RBFOX1: variants seen among roughly 807,000 people sequenced by gnomAD.
RBFOX1 encodes RNA binding protein fox-1 homolog 1.
Under a neutral mutation model 57.7 loss-of-function variants are expected in RBFOX1, and 8 were observed. The observed-to-expected ratio is 0.14, with a 90% confidence interval of 0.08 to 0.25. RBFOX1 has a LOEUF of 0.25. Ranked by LOEUF, RBFOX1 falls within the 10% of genes least tolerant of loss-of-function variation. RBFOX1 has a pLI of 1.00. For missense variants in RBFOX1, 611 were observed against 548.5 expected (o/e 1.11, Z -1.14); for synonymous variants, 326 against 222.4 (o/e 1.47, Z -4.15).
intron 1 of RBFOX1, among the ~76,000 whole-genome samples, chr16:5,408,667 C>T (rs971240340): frequency 3.9e-5 from 6 of 152,332 alleles, no homozygotes; most frequent in African/African-American, 1.4e-4. Context: ...GTTTCATTGG[C>T]TCATGGTTCT....
At chr16:7,671,338 C>T (rs565652182) in intron 13 of RBFOX1, among the ~76,000 whole-genome samples, 1 of 152,274 alleles carries the variant, frequency 6.6e-6, no homozygotes, top group Admixed American at 6.5e-5. Context: ...GTTTGATCCC[C>T]ATCTCCACCT....
chr16:7,120,863 G>A (rs1183651156), intron 4 of RBFOX1, among the ~76,000 whole-genome samples: 18 of 46,286 alleles, frequency 3.9e-4, no homozygotes, highest in East Asian at 2.2e-3. Context: ...ACACACATAC[G>A]TAAACATATA....
At chr16:5,283,542 C>G (rs573095199) in intron 1 of RBFOX1, among the ~76,000 whole-genome samples, 2 of 152,226 alleles carry the variant, frequency 1.3e-5, no homozygotes, top group East Asian at 3.9e-4. Flanking sequence ...TTTATTCTCC[C>G]AAGGCCATGG....
chr16:6,439,291 A>G lies in RBFOX1; in HGVS notation c.-64+122234A>G, dbSNP rs1431493769. On this transcript the variant is annotated intron_variant, in intron 2 of 15. Transcript: ENST00000550418. ...TGGAAACTGCAGTCAGGAAGGTATA[A>G]TCAAACACCATCCACCCATGTTAAT... is the stretch of plus-strand genomic sequence containing the variant. 3.9e-5 allele frequency among the ~76,000 whole-genome samples: 6 copies of G among 152,174 alleles called. No homozygotes were observed. In the East Asian group the frequency reaches 1.2e-3, roughly 29 times the overall value.
chr16:6,481,292 T>C (rs1285859479), intron 2 of RBFOX1, among the ~76,000 whole-genome samples: 1 of 152,212 alleles, frequency 6.6e-6, no homozygotes, highest in Non-Finnish European at 1.5e-5. Context: ...TCCCTTTGGG[T>C]GGCTGCAGAC....
intron 3 of RBFOX1, among the ~76,000 whole-genome samples, chr16:6,680,990 A>G (rs1603385141): frequency 6.6e-6 from 1 of 152,276 alleles, no homozygotes; most frequent in East Asian, 1.9e-4. Flanking sequence ...AAAACTTCAA[A>G]TTTCTGTACT....
chr16:6,599,855 T>A (rs1307942868), intron 2 of RBFOX1, among the ~76,000 whole-genome samples: 1 of 152,210 alleles, frequency 6.6e-6, no homozygotes, highest in African/African-American at 2.4e-5. Flanking sequence ...TTACATGAGC[T>A]AACACTTGTT....
chr16:5,887,583 A>G (rs2057930633), intron 4 of RBFOX1, among the ~76,000 whole-genome samples: 1 of 151,736 alleles, frequency 6.6e-6, no homozygotes, highest in East Asian at 1.9e-4. Flanking sequence ...TTTTTCTTTT[A>G]AGTAGAGATG....
intron 4 of RBFOX1, among the ~76,000 whole-genome samples, chr16:7,365,184 C>G (rs951293131): frequency 4.6e-5 from 7 of 152,090 alleles, no homozygotes; most frequent in African/African-American, 1.4e-4. Flanking sequence ...TTTTTCTTTC[C>G]TCTTTTTAAC....
At chr16:7,182,165 A>G (rs762790348) in intron 4 of RBFOX1, among the ~76,000 whole-genome samples, 32 of 152,276 alleles carry the variant, frequency 2.1e-4, no homozygotes, top group Non-Finnish European at 3.7e-4. Flanking sequence ...TCTTTGACCT[A>G]GTTACCTTTT....
At chr16:6,096,232 A>C (rs1395706211) in intron 1 of RBFOX1, among the ~76,000 whole-genome samples, 1 of 152,220 alleles carries the variant, frequency 6.6e-6, no homozygotes, top group African/African-American at 2.4e-5. Flanking sequence ...ATTATTCCAT[A>C]GTGGGAAGGA....
chr16:7,035,051 T>C lies in RBFOX1; in HGVS notation c.-15-17006T>C, dbSNP rs111532127. Among the ~76,000 whole-genome samples the C allele has an allele frequency of 1.5e-3, 222 of 151,678 alleles. 1 individual carries two copies. Among genetic ancestry groups the C allele is most frequent in the African/African-American group, 5.3e-3 (217 of 41,302 alleles). The stretch of plus-strand genomic sequence containing the variant: ...TTATTAGAGACAGGGTTTTACATTG[T>C]TGGCCAGGGTGGTCTCAAACTTGTG... On this transcript the variant is annotated intron_variant, in intron 3 of 15. Transcript: ENST00000550418.
At chr16:6,136,426 G>A (rs1030296242) in intron 1 of RBFOX1, among the ~76,000 whole-genome samples, 1 of 152,086 alleles carries the variant, frequency 6.6e-6, no homozygotes, top group Non-Finnish European at 1.5e-5. Context: ...GACATACTGA[G>A]GCAATTACAG....
chr16:6,429,409 T>C (rs1351831862), intron 2 of RBFOX1, among the ~76,000 whole-genome samples: 1 of 152,218 alleles, frequency 6.6e-6, no homozygotes, highest in Non-Finnish European at 1.5e-5. Flanking sequence ...TTTCTCATAT[T>C]TACCCAACAT....
chr16:5,272,625 C>T (rs753485087), intron 1 of RBFOX1, among the ~76,000 whole-genome samples: 1 of 152,192 alleles, frequency 6.6e-6, no homozygotes, highest in Non-Finnish European at 1.5e-5. Flanking sequence ...GAGCATACAA[C>T]ACTTACAGCA....
chr16:6,380,696 A>C (rs1007924736), intron 2 of RBFOX1, among the ~76,000 whole-genome samples: 1 of 150,900 alleles, frequency 6.6e-6, no homozygotes, highest in East Asian at 1.9e-4. Flanking sequence ...CTTTGGGGGC[A>C]TACAAAACCA....
At chr16:7,593,633 A>C (rs1286630585) in intron 7 of RBFOX1, among the ~76,000 whole-genome samples, 2 of 151,974 alleles carry the variant, frequency 1.3e-5, no homozygotes, top group Non-Finnish European at 2.9e-5. Context: ...TGAACAACAC[A>C]GGTTTGAACT....
intron 1 of RBFOX1, among the ~76,000 whole-genome samples, chr16:5,243,058 A>G (rs776209603): frequency 1.0e-3 from 155 of 151,854 alleles, no homozygotes; most frequent in Non-Finnish European, 1.7e-3. Flanking sequence ...CTTCTTGTGT[A>G]TCCACAAACA....
intron 11 of RBFOX1, among the ~76,000 whole-genome samples, chr16:7,635,882 C>T (rs1218062910): frequency 6.6e-6 from 1 of 152,208 alleles, no homozygotes; most frequent in Admixed American, 6.5e-5. Flanking sequence ...GCAGTCCCGG[C>T]TCACTGCAAA....
Sources: gnomAD v4.1 joint callset for allele counts (sites outside exome capture counted in the v4.1 genomes callset) on GRCh38, gnomAD v4.1.1 for gene constraint, MANE v1.5 for transcripts, NCBI Gene and HGNC (gene_info 2026-07-23, HGNC 2026-07-21) for gene names.